Variants in PDE10A observed in about 807,000 individuals in gnomAD.
PDE10A encodes cAMP and cAMP-inhibited cGMP 3',5'-cyclic phosphodiesterase 10A.
Under a neutral mutation model 97.7 loss-of-function variants are expected in PDE10A, and 39 were observed. That is an observed-to-expected ratio of 0.40 (90% CI 0.31 to 0.52). The LOEUF (loss-of-function observed/expected upper bound fraction) is 0.52, where lower values mean the gene tolerates loss of function less well. Among genes scored for constraint, PDE10A ranks in the 20% least tolerant of loss-of-function variants. The pLI is 0.56. For synonymous variants in PDE10A, 371 were observed against 376.8 expected (o/e 0.98, Z 0.18); for missense variants, 731 against 1,047.8 (o/e 0.70, Z 4.17).
At chr6:165,972,009 T>C (rs376820538) in intron 1 of PDE10A, among the ~76,000 whole-genome samples, 10 of 152,006 alleles carry the variant, frequency 6.6e-5, no homozygotes, top group African/African-American at 2.2e-4. Flanking sequence ...ACGGCATAAA[T>C]AACAGAGGCT....
chr6:165,487,766 CAG>C (rs1015970999), intron 2 of PDE10A, among the ~76,000 whole-genome samples: 2 of 152,054 alleles, frequency 1.3e-5, no homozygotes, highest in Non-Finnish European at 2.9e-5. Flanking sequence ...CAAGGTAACA[CAG>C]AGAGAATACT....
chr6:165,415,623 A>C (rs1788258551), intron 12 of PDE10A, among the ~76,000 whole-genome samples: 1 of 152,160 alleles, frequency 6.6e-6, no homozygotes, highest in African/African-American at 2.4e-5. Flanking sequence ...GGTCAGGTAA[A>C]TTTTCCAGAC....
chr6:165,474,561 T>C (rs573133562), intron 3 of PDE10A, among the ~76,000 whole-genome samples: 5 of 152,286 alleles, frequency 3.3e-5, no homozygotes, highest in Admixed American at 3.3e-4. Context: ...TACTGGGTGA[T>C]GAACTAATCT....
intron 1 of PDE10A, among the ~76,000 whole-genome samples, chr6:165,779,968 C>A (rs932629599): frequency 1.3e-5 from 2 of 152,188 alleles, no homozygotes; most frequent in Admixed American, 6.5e-5. Context: ...GAGTGCCTAG[C>A]CCTGCTGGTG....
chr6:165,669,914 G>A (rs952187625), intron 1 of PDE10A, among the ~76,000 whole-genome samples: 5 of 152,182 alleles, frequency 3.3e-5, no homozygotes, highest in African/African-American at 1.2e-4. Flanking sequence ...AATACACCAA[G>A]GCTAAGTGGC....
In PDE10A at chr6:165,481,121, A is replaced by T. The variant is rs1030317358; in HGVS notation, c.1023+1194T>A. ...GCAGCTTTGCCAATATCAACACTGT[A>T]ATATTTTATGACTCTGCCAAAGTTC... is the stretch of plus-strand genomic sequence containing the variant. On this transcript the variant is annotated intron_variant, in intron 3 of 21. Transcript: ENST00000539869. 2.6e-5 allele frequency among the ~76,000 whole-genome samples: 4 copies of T among 152,206 alleles called. No individual in the cohort carries two copies. The East Asian group carries it at 7.7e-4, about 29-fold the overall frequency.
chr6:165,546,572 A>C (rs1440791140), intron 1 of PDE10A, among the ~76,000 whole-genome samples: 4 of 152,082 alleles, frequency 2.6e-5, no homozygotes, highest in Admixed American at 2.0e-4. Flanking sequence ...TAGAACTTTG[A>C]AAATAAGTGG....
upstream of PDE10A, among the ~76,000 whole-genome samples, chr6:165,666,726 C>T (rs1197451874): frequency 6.6e-6 from 1 of 151,982 alleles, no homozygotes; most frequent in African/African-American, 2.4e-5. Context: ...TTCTCATCCC[C>T]AATTCATCAT....
At chr6:165,834,726 G>A (rs534950785) in intron 1 of PDE10A, among the ~76,000 whole-genome samples, 13 of 139,226 alleles carry the variant, frequency 9.3e-5, no homozygotes, top group African/African-American at 3.4e-4. Flanking sequence ...AGGTGAACAA[G>A]AGTGGCTGCC....
At chr6:165,836,949 CA>C (rs200165882) in intron 1 of PDE10A, among the ~76,000 whole-genome samples, 2 of 149,254 alleles carry the variant, frequency 1.3e-5, no homozygotes, top group Non-Finnish European at 1.5e-5. Context: ...ATCGCAAGAA[CA>C]AAAAAACCAA....
intron 1 of PDE10A, among the ~76,000 whole-genome samples, chr6:165,596,547 A>G (rs192699436): frequency 1.3e-5 from 2 of 152,260 alleles, no homozygotes; most frequent in East Asian, 3.9e-4. Flanking sequence ...TGGGCAACAT[A>G]GCAAGACCCC....
intron 1 of PDE10A, among the ~76,000 whole-genome samples, chr6:165,965,177 G>A (rs188079894): frequency 6.6e-6 from 1 of 152,348 alleles, no homozygotes; most frequent in African/African-American, 2.4e-5. Flanking sequence ...GAGAGATGGT[G>A]AGGACTGGAA....
At chr6:165,854,349 G>A (rs971159776) in intron 1 of PDE10A, among the ~76,000 whole-genome samples, 3 of 152,170 alleles carry the variant, frequency 2.0e-5, no homozygotes, top group Non-Finnish European at 4.4e-5. Flanking sequence ...ACTCGAGCAG[G>A]TGGTCCCTGG....
intron 2 of PDE10A, among the ~76,000 whole-genome samples, chr6:165,530,361 G>C (rs781651195): frequency 1.4e-4 from 21 of 151,414 alleles, no homozygotes; most frequent in Non-Finnish European, 2.1e-4. Context: ...AAGAAAGTGG[G>C]AGACAATATT....
At chr6:165,786,488 G>T (rs1413739900) in intron 1 of PDE10A, among the ~76,000 whole-genome samples, 1 of 152,222 alleles carries the variant, frequency 6.6e-6, no homozygotes, top group Non-Finnish European at 1.5e-5. Context: ...CCTGTGAGGG[G>T]TAAAGAAGCA....
chr6:165,642,321 C>T (rs1351599888), intron 1 of PDE10A, among the ~76,000 whole-genome samples: 2 of 152,186 alleles, frequency 1.3e-5, no homozygotes, highest in Admixed American at 6.5e-5. Context: ...TTGTTCAGGT[C>T]GGCCTTGGCC....
chr6:165,625,654 T>C (rs886607834), intron 1 of PDE10A, among the ~76,000 whole-genome samples: 4 of 152,150 alleles, frequency 2.6e-5, no homozygotes, highest in Non-Finnish European at 5.9e-5. Flanking sequence ...GTTCTCATGA[T>C]AGTGAATAAG....
At chr6:165,900,582 C>G (rs1260080244) in intron 1 of PDE10A, among the ~76,000 whole-genome samples, 3 of 152,136 alleles carry the variant, frequency 2.0e-5, no homozygotes, top group African/African-American at 7.2e-5. Context: ...CTCTGTCTCT[C>G]TGTCTCCAAC....
intron 1 of PDE10A, among the ~76,000 whole-genome samples, chr6:165,820,233 T>C (rs1231413353): frequency 6.6e-6 from 1 of 152,232 alleles, no homozygotes; most frequent in Non-Finnish European, 1.5e-5. Flanking sequence ...ATCACTGATG[T>C]AGAACAAAGG....
Sources: allele counts gnomAD v4.1 joint callset (sites outside exome capture counted in the v4.1 genomes callset), GRCh38; gene constraint gnomAD v4.1.1; transcripts MANE v1.5; gene names NCBI Gene and HGNC (gene_info 2026-07-23, HGNC 2026-07-21).